The following ARHGAP10 variants were observed in gnomAD, a reference collection of about 807,000 sequenced individuals.
The protein encoded by ARHGAP10 is Rho GTPase activating protein 10.
Under a neutral mutation model 108.6 loss-of-function variants are expected in ARHGAP10, and 87 were observed. That is an observed-to-expected ratio of 0.80 (90% confidence interval 0.67 to 0.96). ARHGAP10 has a LOEUF of 0.96. Among genes scored for constraint, ARHGAP10 ranks in the 40% least tolerant of loss-of-function variants. ARHGAP10 has a pLI of 0.00. For synonymous variants in ARHGAP10, 347 were observed against 341.1 expected (o/e 1.02, Z -0.19); for missense variants, 939 against 954.5 (o/e 0.98, Z 0.21).
At chr4:147,857,093 C>T (rs766797806) in intron 4 of ARHGAP10, among the ~76,000 whole-genome samples, 52 of 152,190 alleles carry the variant, frequency 3.4e-4, no homozygotes, top group Non-Finnish European at 1.3e-4. Flanking sequence ...CTCAGGTGAT[C>T]CGCCCGTCTT....
At chr4:147,858,119 A>G (rs1307489769) in intron 5 of ARHGAP10, 1 of 152,206 alleles carries the variant, frequency 6.6e-6, no homozygotes, top group African/African-American at 2.4e-5. Flanking sequence ...TTTTACTTGT[A>G]TTAATAGACT....
intron 8 of ARHGAP10, among the ~76,000 whole-genome samples, chr4:147,876,123 G>A (rs1735047702): frequency 6.6e-6 from 1 of 152,184 alleles, no homozygotes; most frequent in South Asian, 2.1e-4. Context: ...AGAAGTTAAT[G>A]TTCTATGCAG....
chr4:147,793,812 T>C (rs1731214576), intron 1 of ARHGAP10, among the ~76,000 whole-genome samples: 1 of 152,236 alleles, frequency 6.6e-6, no homozygotes, highest in African/African-American at 2.4e-5. Context: ...TCTTGACCTT[T>C]GTACATTGAT....
At chr4:147,983,650 G>GTTCT (rs2149629335) in intron 18 of ARHGAP10, among the ~76,000 whole-genome samples, 1 of 152,192 alleles carries the variant, frequency 6.6e-6, no homozygotes, top group African/African-American at 2.4e-5. Context: ...AATTCTAGAA[G>GTTCT]TTCTGTTTTG....
chr4:147,886,516 G>A (rs755406751), intron 10 of ARHGAP10, among the ~76,000 whole-genome samples: 5 of 152,166 alleles, frequency 3.3e-5, no homozygotes, highest in Admixed American at 6.5e-5. Context: ...TGTTCGTCGT[G>A]CACTCACTTT....
chr4:147,748,697 A>T (rs1258186661), intron 1 of ARHGAP10, among the ~76,000 whole-genome samples: 1 of 152,236 alleles, frequency 6.6e-6, no homozygotes. Flanking sequence ...TAGGCTGGGC[A>T]CTGTGGCTCA....
At chr4:147,832,826 A>G (rs1733009845) in intron 3 of ARHGAP10, among the ~76,000 whole-genome samples, 1 of 152,066 alleles carries the variant, frequency 6.6e-6, no homozygotes, top group Non-Finnish European at 1.5e-5. Flanking sequence ...TTTGAACATT[A>G]GTGAAATGGA....
At chr4:148,060,628 C>T (rs1729576212) in intron 20 of ARHGAP10, among the ~76,000 whole-genome samples, 2 of 152,154 alleles carry the variant, frequency 1.3e-5, no homozygotes, top group Non-Finnish European at 2.9e-5. Flanking sequence ...CTCATTGCCT[C>T]ATCTCCATAG....
In ARHGAP10 at chr4:147,732,125, C is replaced by T; in HGVS notation, c.-177C>T. On this transcript the variant is annotated 5_prime_UTR_variant, in exon 1 of 23. Transcript: ENST00000336498. ...CTAGCGCTGGTCTCGGTGGCAGCTC[C>T]TCCGCGCCGCAGGACTCGGCTCTAC... 1 of 448,824 alleles carries T rather than the reference C, an allele frequency of 2.2e-6. No individual in the cohort carries two copies. 27.8% of individuals were successfully genotyped at this position (448,824 alleles called of 1,614,324 possible). A position where few individuals can be genotyped will look rare whatever the true frequency, so the allele number is the denominator to read the frequency against.
chr4:147,845,149 C>A (rs573603251), intron 3 of ARHGAP10, among the ~76,000 whole-genome samples: 5 of 152,250 alleles, frequency 3.3e-5, no homozygotes, highest in Non-Finnish European at 7.3e-5. Flanking sequence ...TTGCCCTTTG[C>A]ACCACGGATT....
chr4:147,957,302 G>C (rs539197260), intron 16 of ARHGAP10, among the ~76,000 whole-genome samples: 3 of 152,174 alleles, frequency 2.0e-5, no homozygotes, highest in African/African-American at 7.2e-5. Context: ...TAGACTTTAA[G>C]TTTTTATTTT....
intron 15 of ARHGAP10, 40 bp downstream of exon 15, chr4:147,946,744 T>G: frequency 6.8e-7 from 1 of 1,474,506 alleles, no homozygotes; most frequent in Non-Finnish European, 9.2e-7. Flanking sequence ...AATGGACTAT[T>G]TGGATCTGTA....
intron 10 of ARHGAP10, among the ~76,000 whole-genome samples, chr4:147,906,212 G>A (rs1736482899): frequency 6.6e-6 from 1 of 152,140 alleles, no homozygotes; most frequent in Non-Finnish European, 1.5e-5. Context: ...GAAAGCAGGG[G>A]CCTAAACAGG....
intron 18 of ARHGAP10, among the ~76,000 whole-genome samples, chr4:147,997,210 CA>C (rs1740510185): frequency 6.6e-6 from 1 of 152,116 alleles, no homozygotes; most frequent in Non-Finnish European, 1.5e-5. Context: ...ATTAACTAAC[CA>C]AAATACCCAG....
intron 3 of ARHGAP10, among the ~76,000 whole-genome samples, chr4:147,830,512 C>CTCTT (rs1732910247): frequency 9.8e-6 from 1 of 102,326 alleles, no homozygotes; most frequent in African/African-American, 4.1e-5. Context: ...ACCACAATTC[C>CTCTT]TTTTTTTTTT....
At chr4:147,732,666 T>C (rs1450208609) in intron 1 of ARHGAP10, among the ~76,000 whole-genome samples, 2 of 151,930 alleles carry the variant, frequency 1.3e-5, no homozygotes, top group Non-Finnish European at 2.9e-5. Flanking sequence ...TTCCCGCCCC[T>C]GCGGCTCTGC....
intron 3 of ARHGAP10, among the ~76,000 whole-genome samples, chr4:147,832,117 A>AG (rs1172032958): frequency 6.6e-6 from 1 of 151,974 alleles, no homozygotes; most frequent in Non-Finnish European, 1.5e-5. Flanking sequence ...CACACACACA[A>AG]GGGACCCTAG....
intron 7 of ARHGAP10, among the ~76,000 whole-genome samples, chr4:147,873,049 A>G (rs966978848): frequency 1.3e-5 from 2 of 152,212 alleles, no homozygotes; most frequent in Non-Finnish European, 2.9e-5. Context: ...GCTGAACTGT[A>G]TGTACATCTA....
chr4:147,817,678 A>G (rs1191021875), intron 1 of ARHGAP10, among the ~76,000 whole-genome samples: 2 of 152,224 alleles, frequency 1.3e-5, no homozygotes, highest in African/African-American at 2.4e-5. Flanking sequence ...AGACACAAAA[A>G]TTCAAGTCTG....
Sources: gnomAD v4.1 joint callset for allele counts (sites outside exome capture counted in the v4.1 genomes callset) on GRCh38, gnomAD v4.1.1 for gene constraint, MANE v1.5 for transcripts, NCBI Gene and HGNC (gene_info 2026-07-23, HGNC 2026-07-21) for gene names.